Variants in PPP3CA observed in about 807,000 individuals in gnomAD.
The protein encoded by PPP3CA is protein phosphatase 3 catalytic subunit alpha.
PPP3CA carries 14 observed loss-of-function variants against 66.5 expected under a neutral mutation model. The ratio of observed to expected loss-of-function variants is 0.21; its 90% confidence interval spans 0.14 to 0.33. The LOEUF (loss-of-function observed/expected upper bound fraction) is 0.33. Ranked by LOEUF, PPP3CA falls within the 10% of genes least tolerant of loss-of-function variation. PPP3CA has a pLI of 1.00. For synonymous variants in PPP3CA, 232 were observed against 226.2 expected (o/e 1.03, Z -0.23); for missense variants, 317 against 639.5 (o/e 0.50, Z 5.44).
chr4:101,032,389 A>ATTAAC, intron 11 of PPP3CA, 25 bp from the exon 12 acceptor site: 1 of 1,569,164 alleles, frequency 6.4e-7, no homozygotes, highest in East Asian at 2.3e-5. Flanking sequence ...GAGGGGCGAC[A>ATTAAC]TTAACTTTTA....
chr4:101,228,920 T>C (rs1290183006), intron 1 of PPP3CA, among the ~76,000 whole-genome samples: 1 of 151,626 alleles, frequency 6.6e-6, no homozygotes, highest in Admixed American at 6.6e-5. Flanking sequence ...TGGTTTTGAT[T>C]TTCCAATTAA....
At chr4:101,075,133 C>T (rs548340426) in intron 8 of PPP3CA, among the ~76,000 whole-genome samples, 43 of 152,304 alleles carry the variant, frequency 2.8e-4, no homozygotes, top group African/African-American at 1.0e-3. Flanking sequence ...TTATCTCCAC[C>T]TGGCCCTGCC....
At chr4:101,121,306 A>C (rs556078165) in intron 2 of PPP3CA, among the ~76,000 whole-genome samples, 11 of 152,254 alleles carry the variant, frequency 7.2e-5, no homozygotes, top group African/African-American at 2.4e-4. Flanking sequence ...TTATAAAACC[A>C]CACAATTTCT....
In PPP3CA at chr4:101,048,448, GT is replaced by G. The variant is rs1251158500; in HGVS notation, c.1157-7883del. 2.4e-5 allele frequency among the ~76,000 whole-genome samples: 3 copies of G among 125,276 alleles called. No homozygotes were observed. The Admixed American group carries it at 3.2e-4, about 13-fold the overall frequency. The allele number at this position is 125,276 out of a possible 152,430, so 82.2% of individuals were successfully genotyped here. ...GCCATAAACCTGGGAATCCTGCACTGTTCTTCTACTTAGGGTCAGTGCAGTC... is the reference window on the plus strand; with the variant it reads ...GCCATAAACCTGGGAATCCTGCACTGTCTTCTACTTAGGGTCAGTGCAGTC... On this transcript the variant is annotated intron_variant, in intron 10 of 13. Coordinates refer to ENST00000394854, the MANE Select transcript of PPP3CA (RefSeq NM_000944.5).
At chr4:101,254,149 TC>T (rs1726766825) in intron 1 of PPP3CA, among the ~76,000 whole-genome samples, 1 of 152,048 alleles carries the variant, frequency 6.6e-6, no homozygotes, top group Non-Finnish European at 1.5e-5. Context: ...AGTTTGTTCT[TC>T]CAGTTACAAT....
At chr4:101,341,339 C>A (rs1465823727) in intron 1 of PPP3CA, among the ~76,000 whole-genome samples, 2 of 151,644 alleles carry the variant, frequency 1.3e-5, no homozygotes, top group East Asian at 3.9e-4. Context: ...TGTTTTCAAG[C>A]AAGAAAAGCC....
intron 1 of PPP3CA, among the ~76,000 whole-genome samples, chr4:101,291,959 T>C (rs1400297531): frequency 6.6e-6 from 1 of 152,078 alleles, no homozygotes; most frequent in South Asian, 2.1e-4. Context: ...CGAAACCCTA[T>C]CTTTACAAAA....
At chr4:101,314,518 C>A (rs1050954172) in intron 1 of PPP3CA, among the ~76,000 whole-genome samples, 1 of 140,696 alleles carries the variant, frequency 7.1e-6, no homozygotes, top group Non-Finnish European at 1.5e-5. Flanking sequence ...GAGCAGAGAT[C>A]GCGCCACTGC....
At chr4:101,231,674 C>A (rs1725967464) in intron 1 of PPP3CA, among the ~76,000 whole-genome samples, 1 of 151,710 alleles carries the variant, frequency 6.6e-6, no homozygotes, top group Non-Finnish European at 1.5e-5. Flanking sequence ...TATCTTGCTG[C>A]AAATACTTGA....
intron 1 of PPP3CA, among the ~76,000 whole-genome samples, chr4:101,225,796 G>C (rs150879412): frequency 2.6e-5 from 4 of 151,776 alleles, no homozygotes; most frequent in Non-Finnish European, 5.9e-5. Context: ...AAACATCTGG[G>C]ATACAGGTAG....
intron 2 of PPP3CA, among the ~76,000 whole-genome samples, chr4:101,171,576 T>C (rs987410550): frequency 3.3e-5 from 5 of 152,106 alleles, no homozygotes; most frequent in African/African-American, 1.2e-4. Flanking sequence ...TGCAGGAAAC[T>C]GGAACATGGA....
chr4:101,029,379 A>ACAAAAAC (rs1726832164), intron 12 of PPP3CA, among the ~76,000 whole-genome samples, 184 bp from the exon 13 acceptor site: 1 of 148,274 alleles, frequency 6.7e-6, no homozygotes, highest in East Asian at 2.0e-4. Context: ...AAAAGAAAAA[A>ACAAAAAC]AATGCCACAG....
chr4:101,221,030 A>T (rs1725608452), intron 1 of PPP3CA, among the ~76,000 whole-genome samples: 2 of 151,746 alleles, frequency 1.3e-5, no homozygotes, highest in Non-Finnish European at 3.0e-5. Flanking sequence ...GTCAAAGTAG[A>T]GTTGAACAAT....
At chr4:101,232,323 A>G (rs1725987942) in intron 1 of PPP3CA, among the ~76,000 whole-genome samples, 1 of 151,676 alleles carries the variant, frequency 6.6e-6, no homozygotes, top group Non-Finnish European at 1.5e-5. Context: ...TGACTGAGCC[A>G]TTTGGTTCCT....
intron 1 of PPP3CA, among the ~76,000 whole-genome samples, chr4:101,335,274 T>G (rs577641090): frequency 1.3e-5 from 2 of 151,768 alleles, no homozygotes; most frequent in African/African-American, 4.8e-5. Flanking sequence ...TCAATGGCGT[T>G]AGGAGCAGAC....
chr4:101,237,602 C>A (rs942201847), intron 1 of PPP3CA, among the ~76,000 whole-genome samples: 3 of 152,020 alleles, frequency 2.0e-5, no homozygotes, highest in African/African-American at 7.2e-5. Flanking sequence ...CATGCACTAG[C>A]ATCTATTACA....
chr4:101,346,756 G>A lies in PPP3CA; in HGVS notation c.41C>T (p.Thr14Ile), dbSNP rs1309941061. ...CCGCTTACCTTTCACCACCCTGTCG[G>A]TCGTCGACAACTTGGGATCAATTGC... ...PKAIDPKLST[T>I]DRVVKAVPFP... is the part of the protein sequence containing the mutation. The change falls in exon 1 of 14, where the codon ACC (threonine) becomes ATC (isoleucine). Residue 14 changes from threonine (T) to isoleucine (I), a missense_variant. Around this residue, in one of 3 missense-constraint regions of PPP3CA, gnomAD observed 76 missense variants for 99.5 expected, o/e 0.76. Coordinates refer to ENST00000394854, the MANE Select transcript of PPP3CA (RefSeq NM_000944.5). 57 of 1,611,632 alleles carry A rather than the reference G, an allele frequency of 3.5e-5. No homozygotes were observed. The highest frequency in any genetic ancestry group is 4.4e-5 in the Non-Finnish European group (52 of 1,179,270).
chr4:101,258,249 A>G (rs1441033697), intron 1 of PPP3CA, among the ~76,000 whole-genome samples: 4 of 152,162 alleles, frequency 2.6e-5, no homozygotes, highest in Non-Finnish European at 5.9e-5. Flanking sequence ...GACATTGTAG[A>G]GGATTCTTAA....
intron 1 of PPP3CA, among the ~76,000 whole-genome samples, chr4:101,260,159 A>G (rs1219523434): frequency 1.3e-5 from 2 of 152,146 alleles, no homozygotes; most frequent in Non-Finnish European, 2.9e-5. Context: ...TATCAACGAC[A>G]AAGGTGCAAA....
Sources: allele counts gnomAD v4.1 joint callset (sites outside exome capture counted in the v4.1 genomes callset), GRCh38; gene constraint gnomAD v4.1.1; regional missense constraint gnomAD v4.1.1; transcripts MANE v1.5; gene names NCBI Gene and HGNC (gene_info 2026-07-23, HGNC 2026-07-21).